Variants in PHIP observed in about 807,000 individuals in gnomAD.
PHIP encodes PH-interacting protein.
In PHIP, 54 loss-of-function variants were observed where a neutral mutation model predicts 236.8. The observed-to-expected ratio is 0.23, with a 90% confidence interval of 0.18 to 0.29. PHIP has a LOEUF of 0.29. Among genes scored for constraint, PHIP ranks in the 10% least tolerant of loss-of-function variants. The probability of loss-of-function intolerance (pLI) is 1.00; values close to 1 mark genes in which losing one functional copy is unlikely to be tolerated. For missense variants in PHIP, 1,370 were observed against 2,190.8 expected, an observed-to-expected ratio of 0.63 and a Z score of 7.48; for synonymous variants, 756 against 718.9, an observed-to-expected ratio of 1.05 and a Z score of -0.83.
chr6:78,948,102 G>C lies in PHIP; in HGVS notation c.4054-327C>G, dbSNP rs185895216. Among the ~76,000 whole-genome samples the C allele has an allele frequency of 3.1e-3, 473 of 152,206 alleles. 2 individuals carry two copies. The highest frequency in any genetic ancestry group is 0.011 in the African/African-American group (439 of 41,540). On this transcript the variant is annotated intron_variant, in intron 35 of 39. Transcript: ENST00000275034. The stretch of plus-strand genomic sequence containing the variant: ...AGCCCAGCTCTACAACCGAAAGTTT[G>C]AAAGAAAAACTCAAAACTTTATACT...
At chr6:79,019,591 T>C (rs1009949536) in intron 9 of PHIP, among the ~76,000 whole-genome samples, 3 of 152,092 alleles carry the variant, frequency 2.0e-5, no homozygotes, top group Non-Finnish European at 2.9e-5. Flanking sequence ...ACTTTTTCAG[T>C]ATTTTACATT....
At chr6:79,055,502 G>A (rs914354384) in intron 6 of PHIP, among the ~76,000 whole-genome samples, 1 of 152,152 alleles carries the variant, frequency 6.6e-6, no homozygotes, top group Non-Finnish European at 1.5e-5. Context: ...GGAAGTAAAT[G>A]CTGCTATGCC....
At chr6:78,996,096 C>T (rs1769597697) in intron 19 of PHIP, among the ~76,000 whole-genome samples, 1 of 152,232 alleles carries the variant, frequency 6.6e-6, no homozygotes, top group South Asian at 2.1e-4. Flanking sequence ...CAACCTACAA[C>T]TAGCAACCTT....
intron 34 of PHIP, 121 bp from the exon 35 acceptor site, chr6:78,955,084 C>G: frequency 3.4e-6 from 3 of 893,810 alleles, no homozygotes; most frequent in Non-Finnish European, 4.9e-6. Flanking sequence ...AAAATATTCA[C>G]CAAGTTCTAA....
rs1391154220 is a variant in PHIP at position 79,035,128 on chromosome 6, T to C, written c.600+7715A>G. 2.0e-5 allele frequency among the ~76,000 whole-genome samples: 3 copies of C among 152,246 alleles called. No individual in the cohort carries two copies. The East Asian group carries it at 5.8e-4, about 29-fold the overall frequency. ...GGTATCATAATGAGTTAACTGTGCA[T>C]GCCCAGGGACATTCCAGACCTCCCC... On this transcript the variant is annotated intron_variant, in intron 7 of 39. Transcript: ENST00000275034.
Position 78,941,347 on chromosome 6 carries a change from G to T in PHIP, c.4829-17C>A. 1 of 1,585,612 alleles carries T rather than the reference G, an allele frequency of 6.3e-7. No homozygotes were observed. Among genetic ancestry groups the T allele is most frequent in the African/African-American group, 1.4e-5 (1 of 73,444 alleles). The stretch of plus-strand genomic sequence containing the variant: ...TACAATCTCCTAAAAGGGAACAACA[G>T]TACACTTAATATATGGAGTTTCTTT... On this transcript the variant is annotated splice_polypyrimidine_tract_variant and intron_variant, in intron 39 of 39. Coordinates refer to ENST00000275034, the MANE Select transcript of PHIP (RefSeq NM_017934.7).
intron 23 of PHIP, among the ~76,000 whole-genome samples, chr6:78,981,198 T>G (rs1768507827): frequency 1.3e-5 from 2 of 151,990 alleles, no homozygotes; most frequent in South Asian, 2.1e-4. Flanking sequence ...TATAAATAAT[T>G]TCTTTCCTTT....
At chr6:79,065,764 CCACA>C (rs58570604) in intron 4 of PHIP, among the ~76,000 whole-genome samples, 27,404 of 143,304 alleles carry the variant, frequency 0.19, 2,682 homozygotes, top group Non-Finnish European at 0.23. Flanking sequence ...CTTAACTATA[CCACA>C]CACACACACA....
chr6:79,077,569 C>T (rs1774238342), intron 3 of PHIP, 62 bp from the exon 4 acceptor site: 2 of 1,020,842 alleles, frequency 2.0e-6, no homozygotes, highest in East Asian at 5.1e-5. Flanking sequence ...CTCCCCTCCC[C>T]CGCCCGCCCC....
rs781565920 is a variant in PHIP at position 79,004,362 on chromosome 6, GT to G, written c.1525-505del. 14 of 973,982 alleles carry G rather than the reference GT, an allele frequency of 1.4e-5. No homozygotes were observed. In the South Asian group the frequency reaches 2.4e-4, roughly 17 times the overall value. The allele number at this position is 973,982 out of a possible 1,614,324, so 60.3% of individuals were successfully genotyped here. A position where few individuals can be genotyped will look rare whatever the true frequency, so the allele number is the denominator to read the frequency against. On this transcript the variant is annotated intron_variant, in intron 15 of 39. Transcript: ENST00000275034. The stretch of plus-strand genomic sequence containing the variant: ...GTGAATTTCAAAGGTTAAAGAAAAG[GT>G]TTTTTTTACCTGATAATTGTTTTCT...
intron 7 of PHIP, among the ~76,000 whole-genome samples, chr6:79,036,921 C>CAAAAAAAAAAAAAA (rs34875528): frequency 2.6e-5 from 1 of 38,950 alleles, no homozygotes; most frequent in Non-Finnish European, 4.6e-5. Flanking sequence ...GACTCCGTCT[C>CAAAAAAAAAAAAAA]AAAAAAAAAA....
intron 23 of PHIP, among the ~76,000 whole-genome samples, chr6:78,982,324 T>C (rs575917596): frequency 1.2e-4 from 18 of 152,158 alleles, no homozygotes; most frequent in Non-Finnish European, 2.5e-4. Flanking sequence ...ACAGACCTAA[T>C]TGTGGTAATC....
At chr6:78,983,805 A>G (rs540837693) in intron 22 of PHIP, among the ~76,000 whole-genome samples, 1 of 152,214 alleles carries the variant, frequency 6.6e-6, no homozygotes, top group East Asian at 1.9e-4. Context: ...GCCTTACTAT[A>G]TTTTGTATAC....
chr6:78,939,176 AT>A lies in PHIP; in HGVS notation c.*1516del, dbSNP rs1329160310. 2.6e-5 allele frequency: 4 copies of A among 151,924 alleles called. No individual in the cohort carries two copies. In the East Asian group the frequency reaches 7.7e-4, roughly 29 times the overall value. 9.4% of individuals were successfully genotyped at this position (151,924 alleles called of 1,614,324 possible). On this transcript the variant is annotated 3_prime_UTR_variant, in exon 40 of 40. Coordinates refer to ENST00000275034, the MANE Select transcript of PHIP (RefSeq NM_017934.7). ...AACTAACTGTACCATAAACAAATAA[AT>A]AACTGCTTTCCTTTTCCATAGCAGT...
At chr6:79,016,194 G>A (rs1327846455) in intron 13 of PHIP, among the ~76,000 whole-genome samples, 3 of 151,838 alleles carry the variant, frequency 2.0e-5, no homozygotes, top group East Asian at 1.9e-4. Context: ...GCTACAACAC[G>A]CAGTTTAATT....
intron 27 of PHIP, among the ~76,000 whole-genome samples, chr6:78,967,997 G>A (rs1229787195): frequency 6.6e-6 from 1 of 152,038 alleles, no homozygotes; most frequent in East Asian, 1.9e-4. Flanking sequence ...AATTAGCCAG[G>A]CGTGGTGGCA....
intron 13 of PHIP, among the ~76,000 whole-genome samples, 159 bp from the exon 14 acceptor site, chr6:79,015,942 C>T (rs929214944): frequency 6.6e-6 from 1 of 151,736 alleles, no homozygotes; most frequent in Non-Finnish European, 1.5e-5. Flanking sequence ...GGTAAAAATC[C>T]CTGCACTGAG....
intron 38 of PHIP, chr6:78,945,739 G>C: frequency 1.7e-6 from 1 of 600,872 alleles, no homozygotes; most frequent in Non-Finnish European, 2.9e-6. Context: ...TTGGCAAATT[G>C]CTAGCTAGTG....
Position 78,972,778 on chromosome 6 carries a change from G to T in PHIP, c.2890-1890C>A, listed in dbSNP as rs375161647. 6.6e-5 allele frequency among the ~76,000 whole-genome samples: 10 copies of T among 152,258 alleles called. No homozygotes were observed. The East Asian group carries it at 1.2e-3, about 18-fold the overall frequency. On this transcript the variant is annotated intron_variant, in intron 24 of 39. Coordinates refer to ENST00000275034, the MANE Select transcript of PHIP (RefSeq NM_017934.7). ...CGATGAACTGGAAGAAAGGGTATCA[G>T]CAATGGAAGATGAAATGAATGAAAT...
Sources: gnomAD v4.1 joint callset for allele counts (sites outside exome capture counted in the v4.1 genomes callset) on GRCh38, gnomAD v4.1.1 for gene constraint, MANE v1.5 for transcripts, NCBI Gene and HGNC (gene_info 2026-07-23, HGNC 2026-07-21) for gene names.